BCAS3: variants seen among roughly 807,000 people sequenced by gnomAD.
The protein encoded by BCAS3 is BCAS3 microtubule associated cell migration factor.
BCAS3 carries 53 observed loss-of-function variants against 116.1 expected under a neutral mutation model. The ratio of observed to expected loss-of-function variants is 0.46; its 90% CI spans 0.37 to 0.57. The LOEUF (loss-of-function observed/expected upper bound fraction) is 0.57. BCAS3 is among the 20% of genes least tolerant of loss of function. BCAS3 has a pLI of 0.00. For missense variants in BCAS3, 917 were observed against 1,165.4 expected (o/e 0.79, Z 3.10); for synonymous variants, 391 against 408.2 (o/e 0.96, Z 0.51).
chr17:61,040,673 T>C, intron 18 of BCAS3, 119 bp from the exon 19 acceptor site: 1 of 819,648 alleles, frequency 1.2e-6, no homozygotes, highest in Non-Finnish European at 2.0e-6. Context: ...TACAAGTTCA[T>C]TTTAATGATC....
rs2080674623 is a variant in BCAS3 at position 61,199,172 on chromosome 17, G to C, written c.2425+114608G>C. Among the ~76,000 whole-genome samples the C allele has an allele frequency of 6.6e-6, 1 of 152,128 alleles. No homozygotes were observed. Among genetic ancestry groups the C allele is most frequent in the African/African-American group, 2.4e-5 (1 of 41,414 alleles). On this transcript the variant is annotated intron_variant, in intron 22 of 23. Coordinates refer to ENST00000407086, the MANE Select transcript of BCAS3 (RefSeq NM_017679.5). The surrounding 1 kb of genome is among the most constrained non-coding windows in gnomAD (Gnocchi z 4.6). ...TTGTGGTCTTACTGGGATATGCCAGGAAGAAATTTCTTCCTTCTATTTCTT... is the reference window on the plus strand; with the variant it reads ...TTGTGGTCTTACTGGGATATGCCAGCAAGAAATTTCTTCCTTCTATTTCTT...
At position 60,990,112 on chromosome 17, in the gene BCAS3, A is replaced by G. The variant is rs751188935; in HGVS notation, c.1363A>G (p.Met455Val). 6 of 1,614,026 alleles carry G rather than the reference A, an allele frequency of 3.7e-6. No homozygotes were observed. Among genetic ancestry groups the G allele is most frequent in the Non-Finnish European group, 5.1e-6 (6 of 1,180,038 alleles). ...THMSPRVVNR[M>V]SRFQKSAGLE... Reference sequence around the variant, plus strand: ...TATGTCACCACGAGTAGTGAATCGCATGAGCCGTTTCCAGAAAAGTGCTGG... The same window carrying G: ...TATGTCACCACGAGTAGTGAATCGCGTGAGCCGTTTCCAGAAAAGTGCTGG... The change falls in exon 15 of 24, where the codon ATG becomes GTG. Residue 455 changes from methionine (M) to valine (V), a missense_variant. Met to Val is a conservative substitution (Grantham distance 21). Coordinates refer to ENST00000407086, the MANE Select transcript of BCAS3 (RefSeq NM_017679.5). The surrounding 1 kb of genome is among the most constrained non-coding windows in gnomAD (Gnocchi z 5.1).
At chr17:61,242,435 A>G (rs1174020494) in intron 22 of BCAS3, among the ~76,000 whole-genome samples, 5 of 152,138 alleles carry the variant, frequency 3.3e-5, no homozygotes, top group South Asian at 4.1e-4. Flanking sequence ...TTGGAAGTCT[A>G]TTTTAGACCA....
intron 4 of BCAS3, among the ~76,000 whole-genome samples, chr17:60,698,023 C>G (rs1321705858): frequency 6.6e-6 from 1 of 151,438 alleles, no homozygotes. Flanking sequence ...ACTAAAAATA[C>G]AAAAAATTAG....
chr17:61,077,285 A>G lies in BCAS3; in HGVS notation c.2131-1048A>G, dbSNP rs1224312675. On this transcript the variant is annotated intron_variant, in intron 20 of 23. Coordinates refer to ENST00000407086, the MANE Select transcript of BCAS3 (RefSeq NM_017679.5). This position sits in a 1 kb window ranked among gnomAD's most constrained non-coding sequence, Gnocchi z 4.3. ...GTAATCCCAGCACTTTGGGAGGCCG[A>G]GGCAGGCGGATCACCAGGTCAGGAG... Among the ~76,000 whole-genome samples, 2 of 152,190 alleles carry G rather than the reference A, an allele frequency of 1.3e-5. No homozygotes were observed. The highest frequency in any genetic ancestry group is 6.5e-5 in the Admixed American group (1 of 15,274).
At chr17:60,683,885 A>C in intron 2 of BCAS3, 97 bp from the exon 3 acceptor site, 1 of 1,079,752 alleles carries the variant, frequency 9.3e-7, no homozygotes, top group Non-Finnish European at 1.4e-6. Flanking sequence ...AACAACAACA[A>C]AAAACAAGTG....
intron 5 of BCAS3, among the ~76,000 whole-genome samples, chr17:60,715,772 C>T (rs1300493384): frequency 1.3e-5 from 2 of 152,104 alleles, no homozygotes; most frequent in African/African-American, 4.8e-5. Flanking sequence ...TGTGAGCCAC[C>T]ACACCCCACC....
rs1192938786 is a variant in BCAS3 at position 61,126,177 on chromosome 17, T to G, written c.2425+41613T>G. 6.6e-6 allele frequency among the ~76,000 whole-genome samples: 1 copy of G among 152,180 alleles called. No individual in the cohort carries two copies. Among genetic ancestry groups the G allele is most frequent in the Non-Finnish European group, 1.5e-5 (1 of 68,022 alleles). ...CCGAATACAGAAGATCCAAAATACTTCCAAGGGTGAGAATTTTTCCTTGCC... is the reference window on the plus strand; with the variant it reads ...CCGAATACAGAAGATCCAAAATACTGCCAAGGGTGAGAATTTTTCCTTGCC... On this transcript the variant is annotated intron_variant, in intron 22 of 23. Coordinates refer to ENST00000407086, the MANE Select transcript of BCAS3 (RefSeq NM_017679.5). This position sits in a 1 kb window ranked among gnomAD's most constrained non-coding sequence, Gnocchi z 4.6.
At chr17:60,679,423 T>G in intron 1 of BCAS3, 30 bp from the exon 2 acceptor site, 1 of 1,537,304 alleles carries the variant, frequency 6.5e-7, no homozygotes, top group Non-Finnish European at 9.0e-7. Context: ...GTTTTTCTGT[T>G]TTTTGTTTGT....
chr17:61,092,741 G>A (rs929828635), intron 22 of BCAS3, among the ~76,000 whole-genome samples: 4 of 151,804 alleles, frequency 2.6e-5, no homozygotes, highest in African/African-American at 9.7e-5. Flanking sequence ...AAATATTCTG[G>A]ATATGGTCCT....
At chr17:60,953,869 G>A (rs983062472) in intron 14 of BCAS3, among the ~76,000 whole-genome samples, 15 of 151,936 alleles carry the variant, frequency 9.9e-5, no homozygotes, top group African/African-American at 3.6e-4. Context: ...GAGTAGCTGG[G>A]CTTAGAGGCA....
In BCAS3 at chr17:61,286,651, C is replaced by A. The variant is rs1288426751; in HGVS notation, c.2426-81676C>A. Among the ~76,000 whole-genome samples the A allele has an allele frequency of 2.6e-5, 4 of 152,148 alleles. No homozygotes were observed. Among genetic ancestry groups the A allele is most frequent in the Non-Finnish European group, 5.9e-5 (4 of 68,030 alleles). On this transcript the variant is annotated intron_variant, in intron 22 of 23. Transcript: ENST00000407086. This position sits in a 1 kb window ranked among gnomAD's most constrained non-coding sequence, Gnocchi z 4.8. Reference sequence around the variant, plus strand: ...TTAGCAGGGCTAAGTTAAATACTCGCTTTACACCGTTGTGAAGGCAGCTCC... The same window carrying A: ...TTAGCAGGGCTAAGTTAAATACTCGATTTACACCGTTGTGAAGGCAGCTCC...
At chr17:60,844,170 A>G (rs1225629814) in intron 7 of BCAS3, among the ~76,000 whole-genome samples, 1 of 151,928 alleles carries the variant, frequency 6.6e-6, no homozygotes, top group Non-Finnish European at 1.5e-5. Flanking sequence ...GGGTTTCTTC[A>G]TGTTGCTCAG....
chr17:60,754,680 TACACACACACACACACACAC>T lies in BCAS3; in HGVS notation c.403+7443_403+7462del, dbSNP rs772900751. On this transcript the variant is annotated intron_variant, in intron 6 of 23. Transcript: ENST00000407086. ...AGAAATGCAGATGTAAAATTTAAAA[TACACACACACACACACACAC>T]ACACACACACACACACACACACACA... 5.6e-3 allele frequency among the ~76,000 whole-genome samples: 810 copies of T among 145,472 alleles called. 9 individuals carry two copies. Among genetic ancestry groups the T allele is most frequent in the African/African-American group, 0.019 (720 of 36,932 alleles).
chr17:61,240,925 T>C (rs559620678), intron 22 of BCAS3, among the ~76,000 whole-genome samples: 1 of 152,338 alleles, frequency 6.6e-6, no homozygotes, highest in African/African-American at 2.4e-5. Context: ...TTTGATGAAA[T>C]CAAAGACAAA....
At chr17:61,170,145 C>T (rs1406358444) in intron 22 of BCAS3, among the ~76,000 whole-genome samples, 10 of 152,060 alleles carry the variant, frequency 6.6e-5, no homozygotes, top group South Asian at 6.2e-4. Flanking sequence ...TGAGTCACCG[C>T]GCCCGGCTAA....
intron 22 of BCAS3, among the ~76,000 whole-genome samples, chr17:61,254,697 A>C (rs935096835): frequency 7.4e-6 from 1 of 134,658 alleles, no homozygotes; most frequent in South Asian, 2.5e-4. Flanking sequence ...GAATCACTTG[A>C]ACCTGGGAGG....
intron 14 of BCAS3, among the ~76,000 whole-genome samples, chr17:60,970,142 G>A (rs1262414031): frequency 6.6e-6 from 1 of 152,144 alleles, no homozygotes; most frequent in Non-Finnish European, 1.5e-5. Context: ...TGTTGGTATT[G>A]TATTATATGT....
At chr17:60,919,489 T>C (rs2058959117) in intron 12 of BCAS3, among the ~76,000 whole-genome samples, 1 of 152,068 alleles carries the variant, frequency 6.6e-6, no homozygotes, top group Non-Finnish European at 1.5e-5. Context: ...CACGCCCAGC[T>C]AATTTTTGTG....
Sources: gnomAD v4.1 joint callset for allele counts (sites outside exome capture counted in the v4.1 genomes callset) on GRCh38, gnomAD v4.1.1 for gene constraint, Gnocchi (gnomAD v3.1) non-coding constraint, MANE v1.5 for transcripts, NCBI Gene and HGNC (gene_info 2026-07-23, HGNC 2026-07-21) for gene names.